OPCML: variants seen among roughly 807,000 people sequenced by gnomAD.
The protein encoded by OPCML is opioid-binding protein/cell adhesion molecule.
A neutral mutation model predicts 37.8 loss-of-function variants in OPCML; 13 were observed. That is an observed-to-expected ratio of 0.34 (90% CI 0.22 to 0.55). The LOEUF (loss-of-function observed/expected upper bound fraction) is 0.55, where lower values mean the gene tolerates loss of function less well. Among genes scored for constraint, OPCML ranks in the 20% least tolerant of loss-of-function variants. The probability of loss-of-function intolerance (pLI) is 0.91; values close to 1 mark genes in which losing one functional copy is unlikely to be tolerated. For synonymous variants in OPCML, 176 were observed against 168.8 expected (o/e 1.04, Z -0.33); for missense variants, 341 against 435.6 (o/e 0.78, Z 1.93).
intron 1 of OPCML, among the ~76,000 whole-genome samples, chr11:133,504,051 T>C (rs1201524635): frequency 6.6e-6 from 1 of 152,058 alleles, no homozygotes; most frequent in Admixed American, 6.6e-5. Flanking sequence ...TCCCACATTC[T>C]CAAAGGAAAT....
chr11:132,655,101 G>T (rs1356754520), intron 3 of OPCML, among the ~76,000 whole-genome samples: 1 of 152,210 alleles, frequency 6.6e-6, no homozygotes, highest in African/African-American at 2.4e-5. Flanking sequence ...ATTATGTTGT[G>T]CATTGACTTT....
intron 1 of OPCML, among the ~76,000 whole-genome samples, chr11:133,380,790 A>G (rs185231349): frequency 5.1e-4 from 77 of 152,290 alleles, no homozygotes; most frequent in East Asian, 4.4e-3. Context: ...GGTTCTTGCT[A>G]TTCCTGATCT....
intron 1 of OPCML, among the ~76,000 whole-genome samples, chr11:133,008,631 G>A (rs1161491297): frequency 6.6e-6 from 1 of 152,196 alleles, no homozygotes; most frequent in African/African-American, 2.4e-5. Context: ...TAGGACTAGG[G>A]CTATATGGGA....
chr11:132,552,954 C>T (rs572718771), intron 3 of OPCML, among the ~76,000 whole-genome samples: 24 of 151,950 alleles, frequency 1.6e-4, no homozygotes, highest in African/African-American at 4.6e-4. Context: ...TTAGTAGATA[C>T]GGTGTTTCAC....
At chr11:132,905,538 A>G (rs1424809297) in intron 2 of OPCML, among the ~76,000 whole-genome samples, 1 of 152,142 alleles carries the variant, frequency 6.6e-6, no homozygotes, top group Admixed American at 6.5e-5. Context: ...CAGCCTGGAA[A>G]GCAGTTCTGA....
chr11:133,314,364 G>C (rs949622972), intron 1 of OPCML, among the ~76,000 whole-genome samples: 18 of 149,190 alleles, frequency 1.2e-4, no homozygotes, highest in African/African-American at 4.4e-4. Context: ...TAAACTTCAT[G>C]TCAAAATTAG....
chr11:133,123,335 G>T (rs1296123055), intron 1 of OPCML, among the ~76,000 whole-genome samples: 5 of 152,176 alleles, frequency 3.3e-5, no homozygotes, highest in African/African-American at 1.2e-4. Context: ...CCTGGGTGAA[G>T]AAATTCTCAT....
At chr11:132,709,217 A>T (rs1185153179) in intron 2 of OPCML, among the ~76,000 whole-genome samples, 1 of 152,202 alleles carries the variant, frequency 6.6e-6, no homozygotes, top group Non-Finnish European at 1.5e-5. Context: ...GTGGTTTGTG[A>T]TAAAAGTGCA....
chr11:132,704,224 T>C (rs1943943999), intron 2 of OPCML, among the ~76,000 whole-genome samples: 2 of 152,206 alleles, frequency 1.3e-5, no homozygotes, highest in South Asian at 2.1e-4. Context: ...AACAAAAAAG[T>C]ATCAAATGGG....
At chr11:132,498,069 A>G (rs1257418535) in intron 4 of OPCML, among the ~76,000 whole-genome samples, 6 of 152,248 alleles carry the variant, frequency 3.9e-5, no homozygotes, top group South Asian at 2.1e-4. Flanking sequence ...TTATTTGTCT[A>G]AACATATTCT....
chr11:133,218,146 T>TC (rs111301672), intron 1 of OPCML, among the ~76,000 whole-genome samples: 1 of 151,890 alleles, frequency 6.6e-6, no homozygotes, highest in African/African-American at 2.4e-5. Flanking sequence ...GTATTTTTTT[T>TC]TATGTTTTAT....
chr11:132,718,412 AG>A (rs1944564974), intron 2 of OPCML, among the ~76,000 whole-genome samples: 2 of 152,270 alleles, frequency 1.3e-5, no homozygotes, highest in East Asian at 1.9e-4. Flanking sequence ...AAAACACTGT[AG>A]GGGGTGCTTT....
At chr11:132,693,990 A>G (rs1943505225) in intron 2 of OPCML, among the ~76,000 whole-genome samples, 1 of 152,020 alleles carries the variant, frequency 6.6e-6, no homozygotes, top group Admixed American at 6.6e-5. Flanking sequence ...TTATTATACC[A>G]GATTGGTTCC....
At chr11:132,619,784 G>A (rs565967780) in intron 3 of OPCML, among the ~76,000 whole-genome samples, 49 of 150,162 alleles carry the variant, frequency 3.3e-4, no homozygotes, top group African/African-American at 1.1e-3. Flanking sequence ...CCCGGGAGGC[G>A]GAGCTTGCAG....
chr11:133,091,098 G>A (rs757697453), intron 1 of OPCML, among the ~76,000 whole-genome samples: 1 of 152,196 alleles, frequency 6.6e-6, no homozygotes, highest in Non-Finnish European at 1.5e-5. Context: ...CTGCTGCAAT[G>A]TTCCTTGGCT....
At chr11:133,387,725 T>C (rs1237820850) in intron 1 of OPCML, among the ~76,000 whole-genome samples, 1 of 152,234 alleles carries the variant, frequency 6.6e-6, no homozygotes, top group Non-Finnish European at 1.5e-5. Context: ...TCTGTCCACA[T>C]GGCTTGCGAT....
intron 2 of OPCML, among the ~76,000 whole-genome samples, chr11:132,712,926 T>C (rs1313183423): frequency 2.0e-5 from 3 of 152,250 alleles, no homozygotes; most frequent in African/African-American, 7.2e-5. Flanking sequence ...TCTTCATCAC[T>C]GGAGCAGGCG....
chr11:133,447,130 A>T (rs1257038338), intron 1 of OPCML, among the ~76,000 whole-genome samples: 1 of 152,208 alleles, frequency 6.6e-6, no homozygotes, highest in Non-Finnish European at 1.5e-5. Context: ...TTTTTAAAGT[A>T]TCCATACCAT....
chr11:132,618,886 C>T (rs956454608), intron 3 of OPCML, among the ~76,000 whole-genome samples: 3 of 151,686 alleles, frequency 2.0e-5, no homozygotes, highest in African/African-American at 4.8e-5. Flanking sequence ...GTCCAATTGC[C>T]CCTGCAGCCA....
Sources: gnomAD v4.1 joint callset for allele counts (sites outside exome capture counted in the v4.1 genomes callset) on GRCh38, gnomAD v4.1.1 for gene constraint, MANE v1.5 for transcripts, NCBI Gene and HGNC (gene_info 2026-07-23, HGNC 2026-07-21) for gene names.